The following CLEC16A variants were observed in gnomAD, a reference collection of about 807,000 sequenced individuals.
The protein encoded by CLEC16A is C-type lectin domain containing 16A, also known as protein CLEC16A.
Under a neutral mutation model 109.5 loss-of-function variants are expected in CLEC16A, and 51 were observed. The observed-to-expected ratio is 0.47, with a 90% CI of 0.37 to 0.59. The LOEUF (loss-of-function observed/expected upper bound fraction) is 0.59. CLEC16A is among the 20% of genes least tolerant of loss of function. The pLI, the probability that CLEC16A is intolerant of heterozygous loss-of-function variation, is 0.00. For missense variants in CLEC16A, 1,339 were observed against 1,394.0 expected (o/e 0.96, Z 0.63); for synonymous variants, 673 against 564.2 (o/e 1.19, Z -2.73).
intron 14 of CLEC16A, chr16:11,041,207 C>G (rs7185202): frequency 0.67 from 101,481 of 152,160 alleles, 35,969 homozygotes; most frequent in African/African-American, 0.92. Flanking sequence ...TCAATCTTTC[C>G]AGCACTCATT....
intron 18 of CLEC16A, among the ~76,000 whole-genome samples, chr16:11,057,389 G>A (rs572765518): frequency 1.0e-3 from 154 of 152,350 alleles, no homozygotes; most frequent in African/African-American, 3.5e-3. Context: ...CTGCACGGTG[G>A]GTGCCCCATT....
chr16:11,088,415 T>C (rs1373814498), intron 19 of CLEC16A, among the ~76,000 whole-genome samples: 1 of 152,192 alleles, frequency 6.6e-6, no homozygotes, highest in Non-Finnish European at 1.5e-5. Context: ...TCCGGGCCAT[T>C]ATCTGTGTAC....
intron 22 of CLEC16A, among the ~76,000 whole-genome samples, chr16:11,131,730 C>T (rs2053219846): frequency 6.6e-6 from 1 of 152,202 alleles, no homozygotes. Flanking sequence ...TCCTTAAAAC[C>T]CACCAGCCCC....
intron 11 of CLEC16A, among the ~76,000 whole-genome samples, chr16:11,007,399 C>T (rs1477305333): frequency 6.6e-6 from 1 of 152,166 alleles, no homozygotes; most frequent in East Asian, 1.9e-4. Context: ...AGAGCCAGCC[C>T]CAGGCCTGGC....
intron 19 of CLEC16A, among the ~76,000 whole-genome samples, chr16:11,093,558 C>T (rs16958033): frequency 0.14 from 21,027 of 152,144 alleles, 1,709 homozygotes; most frequent in African/African-American, 0.22. Context: ...ATATCTATAC[C>T]GCCTGGCACT....
At chr16:11,122,520 T>G (rs2052498794) in intron 20 of CLEC16A, among the ~76,000 whole-genome samples, 1 of 152,118 alleles carries the variant, frequency 6.6e-6, no homozygotes, top group South Asian at 2.1e-4. Flanking sequence ...ATTTGTCAGG[T>G]CTTTACTATA....
chr16:11,163,698 G>A (rs563388243), intron 22 of CLEC16A, among the ~76,000 whole-genome samples: 2 of 152,302 alleles, frequency 1.3e-5, no homozygotes, highest in South Asian at 4.1e-4. Context: ...AAGAGGGCAA[G>A]AGAAAAGACG....
chr16:11,027,177 C>G (rs1228099436), intron 13 of CLEC16A: 1 of 1,395,944 alleles, frequency 7.2e-7, no homozygotes, highest in Non-Finnish European at 1.0e-6. Context: ...GTTTAAGCTA[C>G]TGGAATCATT....
intron 13 of CLEC16A, among the ~76,000 whole-genome samples, chr16:11,026,072 A>G (rs1263375483): frequency 6.6e-6 from 1 of 152,196 alleles, no homozygotes; most frequent in Non-Finnish European, 1.5e-5. Flanking sequence ...TCAATGTGTG[A>G]GCAAATCATA....
intron 19 of CLEC16A, among the ~76,000 whole-genome samples, chr16:11,096,005 C>T (rs2050591719): frequency 6.6e-6 from 1 of 151,964 alleles, no homozygotes; most frequent in Non-Finnish European, 1.5e-5. Context: ...CTTTTAATTA[C>T]ACAAATACTG....
intron 13 of CLEC16A, among the ~76,000 whole-genome samples, chr16:11,031,693 A>G (rs1032494299): frequency 1.3e-5 from 2 of 152,224 alleles, no homozygotes; most frequent in Non-Finnish European, 2.9e-5. Flanking sequence ...TGGAATCTGG[A>G]TTCTCTTAGA....
intron 10 of CLEC16A, among the ~76,000 whole-genome samples, chr16:10,985,220 AATAT>A (rs57265284): frequency 1.1e-4 from 11 of 104,086 alleles, no homozygotes; most frequent in East Asian, 7.0e-4. Context: ...AAAAAAAAAA[AATAT>A]ATATATATAT....
chr16:11,127,720 T>G (rs1014064497), intron 22 of CLEC16A, among the ~76,000 whole-genome samples: 1 of 151,920 alleles, frequency 6.6e-6, no homozygotes, highest in South Asian at 2.1e-4. Flanking sequence ...AATAAAAAAT[T>G]AGCCAGGCAT....
intron 21 of CLEC16A, 150 bp downstream of exon 21, chr16:11,124,096 C>G: frequency 2.5e-6 from 2 of 788,792 alleles, no homozygotes; most frequent in East Asian, 2.7e-5. Flanking sequence ...CGAGGAAGTT[C>G]CATTTCCTGG....
chr16:11,003,251 G>T lies in CLEC16A; in HGVS notation c.1249G>T (p.Ala417Ser), dbSNP rs768769569. The T allele has an allele frequency of 2.5e-6, 4 of 1,612,998 alleles. No individual in the cohort carries two copies. The highest frequency in any genetic ancestry group is 4.5e-5 in the East Asian group (2 of 44,886). ...TEDAQEDAEKAKGTEGGSKGI... is the reference protein window; with the variant it reads ...TEDAQEDAEKSKGTEGGSKGI... ...GGATGCCCAAGAAGACGCCGAGAAGGCTAAAGGTACAGAGGGTGGTTCAAA... is the reference window on the plus strand; with the variant it reads ...GGATGCCCAAGAAGACGCCGAGAAGTCTAAAGGTACAGAGGGTGGTTCAAA... Residue 417 changes from alanine (A) to serine (S), a missense_variant, in exon 11 of 24, where the codon GCT becomes TCT. Ala to Ser is a moderately conservative substitution (Grantham distance 99, BLOSUM62 1). This residue lies in a region of CLEC16A where 1,061 missense variants were observed against 1,006.8 expected (regional missense o/e 1.05). Transcript: ENST00000409790.
intron 22 of CLEC16A, among the ~76,000 whole-genome samples, chr16:11,148,300 C>A (rs2054152161): frequency 6.6e-6 from 1 of 152,174 alleles, no homozygotes; most frequent in Admixed American, 6.5e-5. Flanking sequence ...TTAAAAATGT[C>A]ATCTCAAATG....
In CLEC16A at chr16:10,983,008, G is replaced by C. The variant is rs139327223; in HGVS notation, c.1071+17G>C. The C allele has an allele frequency of 7.4e-7, 1 of 1,356,120 alleles. No homozygotes were observed. Among genetic ancestry groups the C allele is most frequent in the East Asian group, 2.3e-5 (1 of 43,658 alleles). The allele number at this position is 1,356,120 out of a possible 1,614,324, so 84.0% of individuals were successfully genotyped here. On this transcript the variant is annotated intron_variant, in intron 10 of 23. Transcript: ENST00000409790. Reference sequence around the variant, plus strand: ...AGAAGTTCTGTAAGTCATTAGCTTCGGGACTGACCTTAACAGGAAACCATT... The same window carrying C: ...AGAAGTTCTGTAAGTCATTAGCTTCCGGACTGACCTTAACAGGAAACCATT...
At chr16:11,133,027 G>A (rs1420538673) in intron 22 of CLEC16A, among the ~76,000 whole-genome samples, 1 of 152,132 alleles carries the variant, frequency 6.6e-6, no homozygotes, top group Non-Finnish European at 1.5e-5. Context: ...TCCCTTAAGG[G>A]CTAAGCTGGA....
At chr16:11,055,660 T>C (rs2048176895) in intron 18 of CLEC16A, among the ~76,000 whole-genome samples, 1 of 135,568 alleles carries the variant, frequency 7.4e-6, no homozygotes, top group African/African-American at 2.7e-5. Context: ...TGATCTCGGC[T>C]CACTGCAACC....
Sources: allele counts gnomAD v4.1 joint callset (sites outside exome capture counted in the v4.1 genomes callset), GRCh38; gene constraint gnomAD v4.1.1; regional missense constraint gnomAD v4.1.1; transcripts MANE v1.5; gene names NCBI Gene and HGNC (gene_info 2026-07-23, HGNC 2026-07-21).